Variants in NALCN observed in about 807,000 individuals in gnomAD.
The protein encoded by NALCN is sodium leak channel, non-selective.
NALCN carries 111 observed loss-of-function variants against 225.3 expected under a neutral mutation model. The ratio of observed to expected loss-of-function variants is 0.49; its 90% confidence interval spans 0.42 to 0.58. NALCN has a LOEUF of 0.58. Ranked by LOEUF, NALCN falls within the 20% of genes least tolerant of loss-of-function variation. NALCN has a pLI of 0.00. For synonymous variants in NALCN, 764 were observed against 769.0 expected (o/e 0.99, Z 0.11); for missense variants, 1,378 against 2,202.4 (o/e 0.63, Z 7.49).
intron 13 of NALCN, among the ~76,000 whole-genome samples, chr13:101,197,302 C>T (rs900065230): frequency 4.6e-5 from 7 of 152,066 alleles, no homozygotes; most frequent in African/African-American, 9.7e-5. Context: ...TCCTCCTCCG[C>T]GACCCTTTCC....
chr13:101,059,743 C>A (rs1392437424), intron 42 of NALCN, 75 bp downstream of exon 42: 4 of 1,361,446 alleles, frequency 2.9e-6, no homozygotes, highest in South Asian at 2.6e-5. Flanking sequence ...CTGACCAGCA[C>A]CCATTTTATT....
intron 7 of NALCN, among the ~76,000 whole-genome samples, chr13:101,342,528 C>T (rs1029253521): frequency 3.3e-5 from 5 of 152,138 alleles, no homozygotes; most frequent in African/African-American, 1.2e-4. Flanking sequence ...GATTCCCTGA[C>T]TCAAATATGA....
chr13:101,176,468 TATAATTCATTAAATGCAAA>T, intron 14 of NALCN, 94 bp from the exon 15 acceptor site: 3 of 756,688 alleles, frequency 4.0e-6, no homozygotes, highest in Non-Finnish European at 5.7e-6. Flanking sequence ...ATATTGAGTA[TATAATTCATTAAATGCAAA>T]ATAAACATGC....
At chr13:101,270,441 A>C (rs1001346326) in intron 10 of NALCN, among the ~76,000 whole-genome samples, 5 of 152,218 alleles carry the variant, frequency 3.3e-5, no homozygotes, top group African/African-American at 1.2e-4. Context: ...TTTTGTTTTA[A>C]ACTCAAGAGA....
At chr13:101,234,215 GCC>G (rs1267527219) in intron 12 of NALCN, among the ~76,000 whole-genome samples, 1 of 152,146 alleles carries the variant, frequency 6.6e-6, no homozygotes. Context: ...TGAACTGTTT[GCC>G]TTTAGAATTT....
intron 15 of NALCN, 42 bp from the exon 16 acceptor site, chr13:101,144,938 A>G (rs1329006126): frequency 1.9e-6 from 3 of 1,586,038 alleles, no homozygotes; most frequent in Non-Finnish European, 2.6e-6. Context: ...GGGAACCTAT[A>G]ATACTATTAT....
At chr13:101,329,979 C>T (rs1406343185) in intron 7 of NALCN, among the ~76,000 whole-genome samples, 1 of 151,554 alleles carries the variant, frequency 6.6e-6, no homozygotes, top group Non-Finnish European at 1.5e-5. Flanking sequence ...GAGGAGGCTG[C>T]AGTGAGCTGA....
At chr13:101,124,835 T>G (rs1349687295) in intron 17 of NALCN, among the ~76,000 whole-genome samples, 154 bp from the exon 18 acceptor site, 1 of 152,216 alleles carries the variant, frequency 6.6e-6, no homozygotes, top group Non-Finnish European at 1.5e-5. Context: ...TATTTTTACT[T>G]TTATTTGGGC....
chr13:101,308,762 T>C (rs914006131), intron 7 of NALCN, among the ~76,000 whole-genome samples: 1 of 152,194 alleles, frequency 6.6e-6, no homozygotes, highest in Non-Finnish European at 1.5e-5. Context: ...ATGAAGCAGA[T>C]TGGACGGTTC....
At chr13:101,159,953 T>TTTTTATTTTA (rs148275396) in intron 15 of NALCN, among the ~76,000 whole-genome samples, 38,452 of 151,278 alleles carry the variant, frequency 0.25, 5,703 homozygotes, top group East Asian at 0.42. Context: ...TTTTTTGTTA[T>TTTTTATTTTA]TTTTATTTTA....
At chr13:101,183,201 T>A (rs988210619) in intron 14 of NALCN, among the ~76,000 whole-genome samples, 1 of 152,226 alleles carries the variant, frequency 6.6e-6, no homozygotes, top group Non-Finnish European at 1.5e-5. Flanking sequence ...TACCTTCAGC[T>A]AATGTTTACC....
intron 7 of NALCN, among the ~76,000 whole-genome samples, chr13:101,340,939 A>C (rs2139280546): frequency 6.6e-6 from 1 of 152,302 alleles, no homozygotes; most frequent in Admixed American, 6.5e-5. Context: ...TTATTTCTAA[A>C]GAAAGTAATT....
intron 15 of NALCN, among the ~76,000 whole-genome samples, chr13:101,145,685 C>T (rs529088399): frequency 2.6e-5 from 4 of 152,260 alleles, no homozygotes; most frequent in Non-Finnish European, 4.4e-5. Context: ...CTCCCAGTGC[C>T]GACGTCTCTT....
intron 7 of NALCN, among the ~76,000 whole-genome samples, chr13:101,324,251 C>T (rs1318611430): frequency 6.6e-6 from 1 of 152,152 alleles, no homozygotes; most frequent in Admixed American, 6.5e-5. Context: ...ACTCATACTA[C>T]TGTGCAACAA....
chr13:101,091,068 G>T (rs111281434), intron 28 of NALCN, among the ~76,000 whole-genome samples: 8 of 151,928 alleles, frequency 5.3e-5, no homozygotes, highest in Non-Finnish European at 1.0e-4. Context: ...ATGGTTCTTA[G>T]CTAACATTTT....
intron 11 of NALCN, among the ~76,000 whole-genome samples, chr13:101,245,305 T>C (rs2041860837): frequency 6.6e-6 from 1 of 152,206 alleles, no homozygotes. Flanking sequence ...CTTTTCTTTT[T>C]TTTTGCATTA....
chr13:101,272,001 T>A (rs964689731), intron 10 of NALCN, among the ~76,000 whole-genome samples: 1 of 149,170 alleles, frequency 6.7e-6, no homozygotes, highest in Non-Finnish European at 1.5e-5. Flanking sequence ...TGTGTGTGTC[T>A]GCGATTGTGT....
rs200513039 is a variant in NALCN, at chr13:101,283,760, T to TA, written c.1134+172dup. On this transcript the variant is annotated intron_variant, in intron 10 of 43. Coordinates refer to ENST00000251127, the MANE Select transcript of NALCN (RefSeq NM_052867.4). Reference sequence around the variant, plus strand: ...CTTATCAAATCCCTATTGTGTATGTTAAAAAAAAAAAAGCTAGGTCCTGGG... The same window carrying TA: ...CTTATCAAATCCCTATTGTGTATGTTAAAAAAAAAAAAAGCTAGGTCCTGGG... 0.055 allele frequency among the ~76,000 whole-genome samples: 7,950 copies of TA among 143,278 alleles called. 332 individuals are homozygous for TA. Among genetic ancestry groups the TA allele is most frequent in the East Asian group, 0.15 (774 of 5,002 alleles). 94.0% of individuals were successfully genotyped at this position (143,278 alleles called of 152,430 possible).
intron 18 of NALCN, among the ~76,000 whole-genome samples, chr13:101,114,076 C>T (rs2035580395): frequency 6.6e-6 from 1 of 152,198 alleles, no homozygotes; most frequent in South Asian, 2.1e-4. Flanking sequence ...CCCTGCAGTG[C>T]AGCTGCTGAT....
Sources: allele counts gnomAD v4.1 joint callset (sites outside exome capture counted in the v4.1 genomes callset), GRCh38; gene constraint gnomAD v4.1.1; transcripts MANE v1.5; gene names NCBI Gene and HGNC (gene_info 2026-07-23, HGNC 2026-07-21).